Variants in PDS5A observed in about 807,000 individuals in gnomAD.
PDS5A encodes the protein PDS5 cohesin associated factor A, also known as sister chromatid cohesion protein PDS5 homolog A.
PDS5A carries 42 observed loss-of-function variants against 167.1 expected under a neutral mutation model. That is an observed-to-expected ratio of 0.25 (90% CI 0.20 to 0.33). The LOEUF (loss-of-function observed/expected upper bound fraction) is 0.33, where lower values mean the gene tolerates loss of function less well. PDS5A is among the 10% of genes least tolerant of loss of function. The pLI is 1.00. For missense variants in PDS5A, 1,033 were observed against 1,605.9 expected (o/e 0.64, Z 6.10); for synonymous variants, 553 against 554.6 (o/e 1.00, Z 0.04).
At chr4:39,967,873 G>T (rs1449856773) in intron 2 of PDS5A, among the ~76,000 whole-genome samples, 1 of 151,776 alleles carries the variant, frequency 6.6e-6, no homozygotes, top group Non-Finnish European at 1.5e-5. Context: ...CTGAGATTGC[G>T]CCACTGCACT....
At position 39,919,577 on chromosome 4, in the gene PDS5A, G is replaced by A. The variant is rs545514396; in HGVS notation, c.735+742C>T. Among the ~76,000 whole-genome samples the A allele has an allele frequency of 5.3e-5, 8 of 152,232 alleles. No homozygotes were observed. In the East Asian group the frequency reaches 1.2e-3, roughly 22 times the overall value. On this transcript the variant is annotated intron_variant, in intron 7 of 32. Transcript: ENST00000303538. ...GCAGAATGGCGTCAACCCGGGAGGC[G>A]GAGCTTGCAATGAGCCGAGAATGCA...
chr4:39,887,062 C>A (rs76508836), intron 17 of PDS5A, among the ~76,000 whole-genome samples: 10,834 of 152,136 alleles, frequency 0.071, 482 homozygotes, highest in Non-Finnish European at 0.1. Context: ...CATCTGCGAA[C>A]AAGGCTAATT....
intron 9 of PDS5A, among the ~76,000 whole-genome samples, 172 bp downstream of exon 9, chr4:39,913,439 C>T (rs1353418560): frequency 6.6e-6 from 1 of 152,132 alleles, no homozygotes; most frequent in Non-Finnish European, 1.5e-5. Context: ...ACTAAGCTTT[C>T]TTCATAAAAA....
Position 39,863,448 on chromosome 4 carries a change from A to G in PDS5A, c.2654T>C (p.Met885Thr), listed in dbSNP as rs753304959. 2 of 1,600,008 alleles carry G rather than the reference A, an allele frequency of 1.2e-6. No individual in the cohort carries two copies. The highest frequency in any genetic ancestry group is 1.7e-6 in the Non-Finnish European group (2 of 1,173,956). Residue 885 changes from methionine to threonine, a missense_variant, in exon 24 of 33, where the codon ATG becomes ACG. This residue lies in a region of PDS5A where 367 missense variants were observed against 686.7 expected (regional missense o/e 0.53). Coordinates refer to ENST00000303538, the MANE Select transcript of PDS5A (RefSeq NM_001100399.2). ...TEQKRISKSD[M>T]SRLRLAAGSA... Reference sequence around the variant, plus strand: ...ACCAGCAGCTAATCGCAAGCGAGACATATCAGATTTACTATAAACAAACAA... The same window carrying G: ...ACCAGCAGCTAATCGCAAGCGAGACGTATCAGATTTACTATAAACAAACAA...
intron 26 of PDS5A, among the ~76,000 whole-genome samples, chr4:39,851,006 A>G (rs536210847): frequency 6.6e-6 from 1 of 152,328 alleles, no homozygotes; most frequent in African/African-American, 2.4e-5. Flanking sequence ...CTACTGTAGC[A>G]TGCATTAGTT....
chr4:39,928,297 T>C, intron 2 of PDS5A, 133 bp from the exon 3 acceptor site: 1 of 593,952 alleles, frequency 1.7e-6, no homozygotes, highest in South Asian at 2.2e-5. Flanking sequence ...GTCAACTTTT[T>C]ATAAATCTTC....
Position 39,968,347 on chromosome 4 carries a change from C to CT in PDS5A, c.138+8092dup, listed in dbSNP as rs34421673. Among the ~76,000 whole-genome samples the CT allele has an allele frequency of 2.1e-3, 285 of 132,602 alleles. 1 individual carries two copies. The highest frequency in any genetic ancestry group is 4.2e-3 in the African/African-American group (146 of 35,042). 87.0% of individuals were successfully genotyped at this position (132,602 alleles called of 152,430 possible). On this transcript the variant is annotated intron_variant, in intron 2 of 32. Transcript: ENST00000303538. ...TATGGGAGGATGGCTATTTGTGATT[C>CT]TTTTTTTTTTTTTTTGAGATGGAGT...
chr4:39,865,736 A>C (rs1006676596), intron 23 of PDS5A, among the ~76,000 whole-genome samples: 10 of 152,246 alleles, frequency 6.6e-5, no homozygotes, highest in African/African-American at 2.4e-4. Flanking sequence ...CATGACCTCA[A>C]TTGATCTGCC....
At chr4:39,918,574 C>A (rs1343253114) in intron 7 of PDS5A, among the ~76,000 whole-genome samples, 1 of 152,132 alleles carries the variant, frequency 6.6e-6, no homozygotes, top group East Asian at 1.9e-4. Context: ...TCATTATTGG[C>A]CAGGTGTGGT....
chr4:39,844,873 G>T (rs772932060), intron 29 of PDS5A, 72 bp from the exon 30 acceptor site: 17 of 1,442,836 alleles, frequency 1.2e-5, no homozygotes, highest in Non-Finnish European at 1.6e-5. Flanking sequence ...TGTAAATTTA[G>T]ACACAAGTAA....
intron 2 of PDS5A, among the ~76,000 whole-genome samples, chr4:39,942,952 T>G (rs193198479): frequency 3.0e-4 from 45 of 152,270 alleles, no homozygotes; most frequent in Admixed American, 1.8e-3. Context: ...GGATGGGGGC[T>G]GTGTTTTACA....
intron 2 of PDS5A, among the ~76,000 whole-genome samples, chr4:39,947,453 G>A (rs1246922657): frequency 6.6e-6 from 1 of 151,602 alleles, no homozygotes; most frequent in Non-Finnish European, 1.5e-5. Context: ...CTGAAAGGGG[G>A]GAAAAAAAAG....
intron 32 of PDS5A, among the ~76,000 whole-genome samples, chr4:39,830,848 G>C (rs763770191): frequency 1.4e-4 from 21 of 152,208 alleles, no homozygotes; most frequent in Non-Finnish European, 2.2e-4. Flanking sequence ...TAAAATGCAA[G>C]GATTTTGTTT....
At chr4:39,863,175 T>A (rs1237043221) in intron 24 of PDS5A, 102 bp from the exon 25 acceptor site, 5 of 970,962 alleles carry the variant, frequency 5.1e-6, no homozygotes, top group Non-Finnish European at 7.8e-6. Context: ...GATAATTATA[T>A]GGGAGAATAA....
At chr4:39,976,211 C>T in intron 2 of PDS5A, 1 of 337,772 alleles carries the variant, frequency 3.0e-6, no homozygotes, top group Non-Finnish European at 5.4e-6. Flanking sequence ...AATTCTTATG[C>T]TTGAAAACCA....
intron 17 of PDS5A, among the ~76,000 whole-genome samples, chr4:39,888,644 T>C (rs1721692953): frequency 6.7e-6 from 1 of 150,306 alleles, no homozygotes; most frequent in Admixed American, 6.7e-5. Context: ...TAGCAACATG[T>C]ATGCAAATGG....
chr4:39,838,085 C>G lies in PDS5A; in HGVS notation c.3781G>C (p.Gly1261Arg), dbSNP rs572018041. The change falls in exon 32 of 33, where the codon GGA becomes CGA. Residue 1261 changes from glycine to arginine, a missense_variant. Gly to Arg is a moderately radical substitution (Grantham distance 125). Around this residue, in one of 4 missense-constraint regions of PDS5A, gnomAD observed 233 missense variants for 264.0 expected, o/e 0.88. Coordinates refer to ENST00000303538, the MANE Select transcript of PDS5A (RefSeq NM_001100399.2). ...CTGGGTTTGGAAGGGGCGGGAGGTC[C>G]CGATTCATCTACTTTCTCATCTGTT... is the stretch of plus-strand genomic sequence containing the variant. The part of the protein sequence containing the change: ...QKTDEKVDES[G>R]PPAPSKPRRG... The G allele has an allele frequency of 1.2e-6, 2 of 1,613,900 alleles. No individual in the cohort carries two copies. The highest frequency in any genetic ancestry group is 2.2e-5 in the South Asian group (2 of 91,068).
intron 31 of PDS5A, among the ~76,000 whole-genome samples, chr4:39,839,089 T>C (rs1716708377): frequency 6.6e-6 from 1 of 152,132 alleles, no homozygotes; most frequent in Non-Finnish European, 1.5e-5. Flanking sequence ...GCAATATGCA[T>C]TTTTCTATGT....
intron 31 of PDS5A, among the ~76,000 whole-genome samples, chr4:39,841,419 G>A (rs1047429678): frequency 3.9e-5 from 6 of 152,112 alleles, no homozygotes; most frequent in African/African-American, 1.4e-4. Flanking sequence ...TTACAGGCAT[G>A]AGCCAACGCA....
Sources: allele counts gnomAD v4.1 joint callset (sites outside exome capture counted in the v4.1 genomes callset), GRCh38; gene constraint gnomAD v4.1.1; regional missense constraint gnomAD v4.1.1; transcripts MANE v1.5; gene names NCBI Gene and HGNC (gene_info 2026-07-23, HGNC 2026-07-21).